Variants in MLIP observed in about 807,000 individuals in gnomAD.
MLIP encodes muscular LMNA-interacting protein.
Under a neutral mutation model 84.8 loss-of-function variants are expected in MLIP, and 79 were observed. The ratio of observed to expected loss-of-function variants is 0.93; its 90% CI spans 0.78 to 1.12. The LOEUF is 1.12. MLIP is among the 50% of genes most tolerant of loss of function. MLIP has a pLI of 0.00. For missense variants in MLIP, 1,257 were observed against 1,160.6 expected (o/e 1.08, Z -1.21); for synonymous variants, 504 against 463.0 (o/e 1.09, Z -1.14).
At position 54,160,287 on chromosome 6, in the gene MLIP, A is replaced by T. The variant is rs1032207175; in HGVS notation, c.2290-80A>T. The T allele has an allele frequency of 4.5e-6, 5 of 1,115,614 alleles. No individual in the cohort carries two copies. The African/African-American group carries it at 7.9e-5, about 18-fold the overall frequency. The allele number at this position is 1,115,614 out of a possible 1,614,324, so 69.1% of individuals were successfully genotyped here. A position where few individuals can be genotyped will look rare whatever the true frequency, so the allele number is the denominator to read the frequency against. The stretch of plus-strand genomic sequence containing the variant: ...TTTTTCTTGGAATATTAATACATAC[A>T]AGGCTTTCTTTGAAGATACTTTTCT... On this transcript the variant is annotated intron_variant, in intron 5 of 13. Transcript: ENST00000502396.
At chr6:54,053,284 G>A (rs563262227) in intron 1 of MLIP, among the ~76,000 whole-genome samples, 3 of 152,162 alleles carry the variant, frequency 2.0e-5, no homozygotes, top group Non-Finnish European at 4.4e-5. Context: ...ATTTCACAAG[G>A]TAAAAGAATA....
In MLIP at chr6:54,027,957, A is replaced by AT. The variant is rs1488135908; in HGVS notation, c.63+8870dup. Among the ~76,000 whole-genome samples, 4 of 152,148 alleles carry AT rather than the reference A, an allele frequency of 2.6e-5. No homozygotes were observed. The South Asian group carries it at 8.3e-4, about 32-fold the overall frequency. ...TAGCATACTGTACGTGTGGCGAAATATTTTCTAGGTTCTCATTGTGAGAAT... is the reference window on the plus strand; with the variant it reads ...TAGCATACTGTACGTGTGGCGAAATATTTTTCTAGGTTCTCATTGTGAGAAT... On this transcript the variant is annotated intron_variant, in intron 1 of 12. Transcript: ENST00000274897.
rs765887594 is a variant in MLIP at position 54,136,914 on chromosome 6, C to T, written c.845C>T (p.Ala282Val). 113 of 1,535,862 alleles carry T rather than the reference C, an allele frequency of 7.4e-5. No homozygotes were observed. Among genetic ancestry groups the T allele is most frequent in the Non-Finnish European group, 1.3e-5 (15 of 1,146,854 alleles). Residue 282 changes from alanine (A) to valine (V), a missense_variant, in exon 4 of 14, where the codon GCT becomes GTT. By Grantham distance (64) the Ala-to-Val change is moderately conservative. Transcript: ENST00000502396. The part of the protein sequence containing the change: ...EESATYFQTT[A>V]HSTPFSASKG... The stretch of plus-strand genomic sequence containing the variant: ...TCAGCTACGTATTTTCAAACTACCG[C>T]TCACTCTACACCCTTTTCTGCATCG...
chr6:54,054,698 T>A (rs1765553056), intron 1 of MLIP, among the ~76,000 whole-genome samples: 1 of 152,208 alleles, frequency 6.6e-6, no homozygotes, highest in Non-Finnish European at 1.5e-5. Flanking sequence ...TGCATTATCA[T>A]GTGCAAGATA....
At chr6:54,116,565 C>T (rs1769940246) in intron 1 of MLIP, among the ~76,000 whole-genome samples, 1 of 152,118 alleles carries the variant, frequency 6.6e-6, no homozygotes, top group African/African-American at 2.4e-5. Flanking sequence ...AAAATCTGAA[C>T]AGAACAGTCA....
At chr6:54,231,209 A>C (rs1414258271) in intron 12 of MLIP, among the ~76,000 whole-genome samples, 3 of 152,142 alleles carry the variant, frequency 2.0e-5, no homozygotes, top group Non-Finnish European at 2.9e-5. Context: ...GACATTTTTC[A>C]AAACCTCACA....
intron 1 of MLIP, among the ~76,000 whole-genome samples, chr6:54,113,879 A>G (rs566729399): frequency 6.6e-6 from 1 of 152,282 alleles, no homozygotes; most frequent in African/African-American, 2.4e-5. Flanking sequence ...TCCATGGTCA[A>G]TCATTTGCTC....
intron 5 of MLIP, among the ~76,000 whole-genome samples, chr6:54,149,754 T>C (rs964246584): frequency 2.0e-5 from 3 of 152,068 alleles, no homozygotes; most frequent in African/African-American, 7.2e-5. Context: ...CTCCAAGAGA[T>C]TTTTGCTTTG....
chr6:54,091,856 CT>C (rs2150373156), intron 1 of MLIP, among the ~76,000 whole-genome samples: 1 of 152,256 alleles, frequency 6.6e-6, no homozygotes, highest in East Asian at 1.9e-4. Flanking sequence ...TACTGTCTCA[CT>C]TTTTTGTAAT....
At chr6:54,262,101 T>C (rs1019922304) in intron 13 of MLIP, among the ~76,000 whole-genome samples, 1 of 152,014 alleles carries the variant, frequency 6.6e-6, no homozygotes, top group Non-Finnish European at 1.5e-5. Context: ...GATATTCCTA[T>C]ACTCGGATTT....
intron 11 of MLIP, among the ~76,000 whole-genome samples, chr6:54,222,976 C>A (rs762711636): frequency 6.6e-6 from 1 of 151,836 alleles, no homozygotes. Flanking sequence ...TGTTGAGCAC[C>A]CTTTCATATA....
upstream of MLIP, among the ~76,000 whole-genome samples, chr6:54,110,535 C>G (rs1471883942): frequency 6.6e-6 from 1 of 152,142 alleles, no homozygotes; most frequent in Non-Finnish European, 1.5e-5. Flanking sequence ...CTAATAGAAT[C>G]ACTTATAGCA....
chr6:54,144,421 G>A (rs1312177581), intron 4 of MLIP, among the ~76,000 whole-genome samples: 1 of 152,136 alleles, frequency 6.6e-6, no homozygotes, highest in Non-Finnish European at 1.5e-5. Flanking sequence ...AACCTTTTTG[G>A]CACCAGGGAC....
In MLIP at chr6:54,213,734, A is replaced by AAAAAAAAAAAAAAAAAACAAAAAAC. The variant is rs368508685; in HGVS notation, c.2718+11503_2718+11504insAAAAAAAAAAAAAAACAAAAAACAA. ...AAAAAAAAAAAAAAAAAAAAAAAAA[A>AAAAAAAAAAAAAAAAAACAAAAAAC]AACAACAAACAGCATATCTTGTATG... is the stretch of plus-strand genomic sequence containing the variant. On this transcript the variant is annotated intron_variant, in intron 11 of 13. Transcript: ENST00000502396. Among the ~76,000 whole-genome samples, 5 of 82,372 alleles carry AAAAAAAAAAAAAAAAAACAAAAAAC rather than the reference A, an allele frequency of 6.1e-5. 1 individual carries two copies. The highest frequency in any genetic ancestry group is 9.5e-5 in the Non-Finnish European group (4 of 42,156). 54.0% of individuals were successfully genotyped at this position (82,372 alleles called of 152,430 possible).
chr6:54,151,027 C>A (rs778070811), intron 5 of MLIP, among the ~76,000 whole-genome samples: 1 of 152,094 alleles, frequency 6.6e-6, no homozygotes, highest in Non-Finnish European at 1.5e-5. Context: ...AACATGATAT[C>A]TAAATTTAAA....
chr6:54,203,435 AAAT>A (rs1292364844), intron 11 of MLIP, among the ~76,000 whole-genome samples: 7 of 151,876 alleles, frequency 4.6e-5, no homozygotes, highest in Non-Finnish European at 1.0e-4. Flanking sequence ...TTTAGTTTGA[AAAT>A]AATAACTAAC....
chr6:54,041,178 A>T lies in MLIP; in HGVS notation c.63+22087A>T, dbSNP rs565034335. 27 of 152,236 alleles carry T rather than the reference A, an allele frequency of 1.8e-4. 1 individual carries two copies. Among genetic ancestry groups the T allele is most frequent in the African/African-American group, 5.8e-4 (24 of 41,546 alleles). 9.4% of individuals were successfully genotyped at this position (152,236 alleles called of 1,614,324 possible). A position where few individuals can be genotyped will look rare whatever the true frequency, so the allele number is the denominator to read the frequency against. ...TACCCCCAACTCCTGGCAACCACTGATTTGTTCTCCAACACTATGGTTATA... is the reference window on the plus strand; with the variant it reads ...TACCCCCAACTCCTGGCAACCACTGTTTTGTTCTCCAACACTATGGTTATA... On this transcript the variant is annotated intron_variant, in intron 1 of 12. Transcript: ENST00000274897.
Position 54,111,497 on chromosome 6 carries a change from G to A in MLIP, c.18G>A (p.Gly6=), listed in dbSNP as rs12333045. ...ATGAATCAATGCTTTCAGAACAGGG[G>A]CTTCTGAGTGACTGCGGGAACAATT... The part of the protein sequence containing the change: MLSEQ[G]LLSDCGNNYF... Residue 6 remains glycine (G), a synonymous_variant, in exon 1 of 14, where the codon GGG becomes GGA. Transcript: ENST00000502396. 2,746 of 1,535,992 alleles carry A rather than the reference G, an allele frequency of 1.8e-3. 41 individuals are homozygous for A. The African/African-American group carries it at 0.031, about 17-fold the overall frequency.
chr6:54,020,824 G>A (rs1329330481), intron 1 of MLIP, among the ~76,000 whole-genome samples: 1 of 152,144 alleles, frequency 6.6e-6, no homozygotes, highest in Non-Finnish European at 1.5e-5. Context: ...GGGAAATATG[G>A]CGGCACATCA....
Sources: gnomAD v4.1 joint callset for allele counts (sites outside exome capture counted in the v4.1 genomes callset) on GRCh38, gnomAD v4.1.1 for gene constraint, MANE v1.5 for transcripts, NCBI Gene and HGNC (gene_info 2026-07-23, HGNC 2026-07-21) for gene names.